NR2C2: variants seen among roughly 807,000 people sequenced by gnomAD.
NR2C2 encodes the protein Nuclear hormone receptor TR4.
A neutral mutation model predicts 62.9 loss-of-function variants in NR2C2; 6 were observed. The ratio of observed to expected loss-of-function variants is 0.10; its 90% CI spans 0.05 to 0.19. NR2C2 has a LOEUF of 0.19. Among genes scored for constraint, NR2C2 ranks in the 10% least tolerant of loss-of-function variants. The pLI, the probability that NR2C2 is intolerant of heterozygous loss-of-function variation, is 1.00. For synonymous variants in NR2C2, 272 were observed against 273.8 expected, an observed-to-expected ratio of 0.99 and a Z score of 0.07; for missense variants, 479 against 762.7, an observed-to-expected ratio of 0.63 and a Z score of 4.38.
chr3:14,952,460 A>T (rs1023145415), intron 1 of NR2C2, among the ~76,000 whole-genome samples: 1 of 152,216 alleles, frequency 6.6e-6, no homozygotes, highest in Non-Finnish European at 1.5e-5. Flanking sequence ...ATCTTAAAAA[A>T]TACCACACGG....
chr3:15,023,384 G>C, intron 6 of NR2C2, 37 bp downstream of exon 6: 2 of 1,610,598 alleles, frequency 1.2e-6, no homozygotes, highest in African/African-American at 1.3e-5. Flanking sequence ...AGCCTTTGCA[G>C]CTGATGGAGG....
intron 4 of NR2C2, among the ~76,000 whole-genome samples, chr3:15,019,016 TAAAAAAAAAA>T (rs35022020): frequency 3.9e-5 from 3 of 76,502 alleles, no homozygotes; most frequent in Non-Finnish European, 7.5e-5. Flanking sequence ...ACTCTTGTCT[TAAAAAAAAAA>T]AAAAAAAAAA....
Position 15,034,795 on chromosome 3 carries a change from A to G in NR2C2, c.1358A>G (p.Asn453Ser), listed in dbSNP as rs751740291. The change falls in exon 11 of 14, where the codon AAC (asparagine) becomes AGC (serine). Residue 453 changes from asparagine (N) to serine (S), a missense_variant. Asn to Ser is a conservative substitution (Grantham distance 46). Coordinates refer to ENST00000425241, the MANE Select transcript of NR2C2 (RefSeq NM_001291694.2). Reference sequence around the variant, plus strand: ...GCTGCCATTGTCAACCACCTGCAGAACAGCATCCAGGAAGGTAGGGCACAG... The same window carrying G: ...GCTGCCATTGTCAACCACCTGCAGAGCAGCATCCAGGAAGGTAGGGCACAG... ...ILAAIVNHLQNSIQEDKLSGD... is the reference protein window; with the variant it reads ...ILAAIVNHLQSSIQEDKLSGD... 2 of 1,613,152 alleles carry G rather than the reference A, an allele frequency of 1.2e-6. No homozygotes were observed. The highest frequency in any genetic ancestry group is 1.7e-6 in the Non-Finnish European group (2 of 1,179,538).
chr3:15,037,640 C>T (rs2042140752), intron 11 of NR2C2, among the ~76,000 whole-genome samples: 1 of 152,126 alleles, frequency 6.6e-6, no homozygotes. Context: ...CCTGCAGAGA[C>T]TTAAAAAACC....
intron 10 of NR2C2, among the ~76,000 whole-genome samples, chr3:15,033,639 CTTTTTTTTT>C (rs58524753): frequency 2.4e-5 from 2 of 84,826 alleles, no homozygotes; most frequent in Non-Finnish European, 4.4e-5. Context: ...TAACCTCAGG[CTTTTTTTTT>C]TTTTTTTTTT....
At chr3:14,989,642 A>G (rs1309490225) in intron 1 of NR2C2, among the ~76,000 whole-genome samples, 1 of 152,012 alleles carries the variant, frequency 6.6e-6, no homozygotes, top group Admixed American at 6.6e-5. Context: ...AAATTAAAGA[A>G]AAAATTTGAC....
intron 1 of NR2C2, among the ~76,000 whole-genome samples, chr3:14,994,758 A>C (rs1367774086): frequency 6.7e-6 from 1 of 149,456 alleles, no homozygotes; most frequent in East Asian, 2.0e-4. Context: ...TCTTTAAAAA[A>C]AAAAAAAAAA....
At chr3:14,953,421 G>A (rs1230678107) in intron 1 of NR2C2, among the ~76,000 whole-genome samples, 1 of 152,164 alleles carries the variant, frequency 6.6e-6, no homozygotes, top group Non-Finnish European at 1.5e-5. Flanking sequence ...CCTGGAAAAT[G>A]GGGTGACTGC....
intron 1 of NR2C2, among the ~76,000 whole-genome samples, chr3:14,977,910 C>G (rs1166372705): frequency 6.7e-6 from 1 of 149,116 alleles, no homozygotes; most frequent in Non-Finnish European, 1.5e-5. Flanking sequence ...GATTGTACCA[C>G]TGCACTCCAG....
chr3:15,000,099 C>T (rs2040946378), intron 1 of NR2C2, among the ~76,000 whole-genome samples: 1 of 151,016 alleles, frequency 6.6e-6, no homozygotes, highest in Non-Finnish European at 1.5e-5. Context: ...CCATGCTGTG[C>T]AATAGGTCTA....
intron 1 of NR2C2, among the ~76,000 whole-genome samples, chr3:14,993,229 G>A (rs758895370): frequency 1.1e-4 from 17 of 152,080 alleles, no homozygotes; most frequent in Non-Finnish European, 2.4e-4. Context: ...CAAGACAGGC[G>A]GATCACCTGA....
intron 7 of NR2C2, chr3:15,026,383 TA>T (rs1381594640): frequency 6.6e-6 from 1 of 152,220 alleles, no homozygotes; most frequent in Non-Finnish European, 1.5e-5. Flanking sequence ...GTGTATAATG[TA>T]GTGGTTTTTG....
chr3:15,034,683 A>G lies in NR2C2; in HGVS notation c.1246A>G (p.Thr416Ala), dbSNP rs2042061337. Reference protein sequence around the residue: ...AFQALGQDCNTSLVRACWNEL... With the variant: ...AFQALGQDCNASLVRACWNEL... Reference sequence around the variant, plus strand: ...CTATATTCCTAGGCAGGACTGCAACACCAGCCTTGTGCGGGCCTGCTGGAA... The same window carrying G: ...CTATATTCCTAGGCAGGACTGCAACGCCAGCCTTGTGCGGGCCTGCTGGAA... The change falls in exon 11 of 14, where the codon ACC becomes GCC. Residue 416 changes from threonine (T) to alanine (A), a missense_variant. Coordinates refer to ENST00000425241, the MANE Select transcript of NR2C2 (RefSeq NM_001291694.2). 1.2e-6 allele frequency: 2 copies of G among 1,614,016 alleles called. No homozygotes were observed. The highest frequency in any genetic ancestry group is 1.1e-5 in the South Asian group (1 of 91,056).
At chr3:14,987,618 G>A (rs968879523) in intron 1 of NR2C2, among the ~76,000 whole-genome samples, 6 of 151,780 alleles carry the variant, frequency 4.0e-5, no homozygotes, top group Non-Finnish European at 8.8e-5. Context: ...CTCCTTACTC[G>A]TACTTGTCTT....
At chr3:14,974,594 AT>A (rs1334937101) in intron 1 of NR2C2, among the ~76,000 whole-genome samples, 1 of 146,424 alleles carries the variant, frequency 6.8e-6, no homozygotes, top group African/African-American at 2.5e-5. Context: ...GTGTATACTT[AT>A]GGTTTTTTTG....
intron 7 of NR2C2, among the ~76,000 whole-genome samples, chr3:15,025,007 G>A (rs766029907): frequency 3.9e-5 from 6 of 152,236 alleles, no homozygotes; most frequent in Non-Finnish European, 7.3e-5. Flanking sequence ...TGCCTGTCAT[G>A]GAGAGCTGCC....
intron 7 of NR2C2, chr3:15,025,468 C>G (rs1038469455): frequency 6.6e-6 from 1 of 152,188 alleles, no homozygotes; most frequent in Non-Finnish European, 1.5e-5. Flanking sequence ...TTTCAGGAAT[C>G]AAGAGAAAGA....
chr3:15,006,528 C>T (rs1372793127), intron 2 of NR2C2, among the ~76,000 whole-genome samples: 3 of 151,976 alleles, frequency 2.0e-5, no homozygotes, highest in Non-Finnish European at 4.4e-5. Flanking sequence ...TATAGGAAAT[C>T]TGAAGAGCTG....
rs140827870 is a variant in NR2C2 at position 14,960,399 on chromosome 3, C to T, written c.-40+12493C>T. On this transcript the variant is annotated intron_variant, in intron 1 of 13. Coordinates refer to ENST00000425241, the MANE Select transcript of NR2C2 (RefSeq NM_001291694.2). ...CCTGTTGTTAGATTTATCTTGGGAT[C>T]CCCAGCCCTACCTGAAGTTGATTGA... Among the ~76,000 whole-genome samples, 200 of 152,244 alleles carry T rather than the reference C, an allele frequency of 1.3e-3. 2 individuals carry two copies. Among genetic ancestry groups the T allele is most frequent in the Non-Finnish European group, 2.1e-3 (142 of 68,010 alleles).
Sources: gnomAD v4.1 joint callset for allele counts (sites outside exome capture counted in the v4.1 genomes callset) on GRCh38, gnomAD v4.1.1 for gene constraint, MANE v1.5 for transcripts, NCBI Gene and HGNC (gene_info 2026-07-23, HGNC 2026-07-21) for gene names.